TNK2: variants seen among roughly 807,000 people sequenced by gnomAD.
The protein encoded by TNK2 is activated CDC42 kinase 1.
A neutral mutation model predicts 101.8 loss-of-function variants in TNK2; 83 were observed. The observed-to-expected ratio is 0.82, with a 90% CI of 0.68 to 0.98. The LOEUF is 0.98. Ranked by LOEUF, TNK2 falls within the 50% of genes least tolerant of loss-of-function variation. TNK2 has a pLI of 0.00. For synonymous variants in TNK2, 804 were observed against 633.0 expected (o/e 1.27, Z -4.06); for missense variants, 1,665 against 1,483.2 (o/e 1.12, Z -2.01).
intron 10 of TNK2, among the ~76,000 whole-genome samples, chr3:195,871,531 GGT>G (rs1318889567): frequency 2.6e-5 from 4 of 152,070 alleles, no homozygotes; most frequent in Admixed American, 2.0e-4. Flanking sequence ...GGGGTCACAG[GGT>G]CACAGGGTCA....
At chr3:195,883,469 G>T in intron 4 of TNK2, 160 bp from the exon 5 acceptor site, 1 of 810,746 alleles carries the variant, frequency 1.2e-6, no homozygotes, top group Non-Finnish European at 1.9e-6. Flanking sequence ...CGTGCTCTGC[G>T]TGAGGCCTGG....
At chr3:195,887,835 CGTGTG>C (rs1756517848) in intron 2 of TNK2, among the ~76,000 whole-genome samples, 1 of 145,832 alleles carries the variant, frequency 6.9e-6, no homozygotes, top group African/African-American at 2.5e-5. Context: ...TGCGCACACA[CGTGTG>C]TGTGTGTGTG....
chr3:195,905,139 C>A (rs1761595195), intron 1 of TNK2, among the ~76,000 whole-genome samples: 1 of 152,188 alleles, frequency 6.6e-6, no homozygotes, highest in Non-Finnish European at 1.5e-5. Context: ...GGGATAAAGA[C>A]AGACAAATAG....
chr3:195,891,663 C>CG (rs1553915867), intron 1 of TNK2, among the ~76,000 whole-genome samples: 1 of 152,102 alleles, frequency 6.6e-6, no homozygotes, highest in African/African-American at 2.4e-5. Flanking sequence ...GTGACCCCCC[C>CG]CCTCCAGGGC....
Position 195,868,232 on chromosome 3 carries a change from G to A in TNK2, c.2066C>T (p.Pro689Leu), listed in dbSNP as rs765764522. 6.8e-6 allele frequency: 11 copies of A among 1,605,958 alleles called. No homozygotes were observed. The highest frequency in any genetic ancestry group is 1.3e-5 in the African/African-American group (1 of 74,852). ...GGGAGGGGGCGGCCGCGCCTGCTCA[G>A]GCACAAAGGCGTAGTTGGTCTGGCC... ...SQGQTNYAFV[P>L]EQARPPPPLE... Residue 689 changes from proline (P) to leucine (L), a missense_variant, in exon 13 of 16, where the codon CCT becomes CTT. Pro to Leu is a moderately conservative substitution (Grantham distance 98, BLOSUM62 -3). Coordinates refer to ENST00000672887, the MANE Select transcript of TNK2 (RefSeq NM_001382273.1).
Position 195,885,305 on chromosome 3 carries a change from C to G in TNK2, c.235-272G>C, listed in dbSNP as rs1755113902. The G allele has an allele frequency of 1.5e-6, 2 of 1,339,220 alleles. No homozygotes were observed. Among genetic ancestry groups the G allele is most frequent in the Non-Finnish European group, 2.0e-6 (2 of 1,016,522 alleles). 83.0% of individuals were successfully genotyped at this position (1,339,220 alleles called of 1,614,324 possible). The stretch of plus-strand genomic sequence containing the variant: ...GCCTGTGGCTGAGCGGCCCCACACC[C>G]AGCTGTGTGGAGAGGGAGGGCACCG... On this transcript the variant is annotated intron_variant, in intron 3 of 15. Coordinates refer to ENST00000672887, the MANE Select transcript of TNK2 (RefSeq NM_001382273.1). The surrounding 1 kb of genome is among the most constrained non-coding windows in gnomAD (Gnocchi z 4.7).
Position 195,870,189 on chromosome 3 carries a change from G to A in TNK2, c.1468C>T (p.Pro490Ser), listed in dbSNP as rs753720855. 1.9e-6 allele frequency: 3 copies of A among 1,569,074 alleles called. No homozygotes were observed. Among genetic ancestry groups the A allele is most frequent in the East Asian group, 2.3e-5 (1 of 43,578 alleles). The change falls in exon 11 of 16, where the codon CCC becomes TCC. Residue 490 changes from proline to serine, a missense_variant. Pro to Ser is a moderately conservative substitution (Grantham distance 74, BLOSUM62 -1). Transcript: ENST00000672887. ...DRIDELYLGN[P>S]MDPPDLLSVE... is the part of the protein sequence containing the mutation. ...CTCAGGAGGTCGGGGGGGTCCATGG[G>A]GTTTCCCAGATACAGTCTGTGGGGG... is the stretch of plus-strand genomic sequence containing the variant.
chr3:195,874,928 A>G (rs74940023), intron 9 of TNK2, among the ~76,000 whole-genome samples: 13 of 25,128 alleles, frequency 5.2e-4, no homozygotes, highest in Non-Finnish European at 6.1e-4. Flanking sequence ...CCGAGGCACA[A>G]GAAGCTCCCC....
Position 195,886,954 on chromosome 3 carries a change from T to TC in TNK2, c.234+22dup. The TC allele has an allele frequency of 8.7e-7, 1 of 1,151,876 alleles. No homozygotes were observed. The highest frequency in any genetic ancestry group is 1.2e-6 in the Non-Finnish European group (1 of 808,440). The allele number at this position is 1,151,876 out of a possible 1,614,324, so 71.4% of individuals were successfully genotyped here. A position where few individuals can be genotyped will look rare whatever the true frequency, so the allele number is the denominator to read the frequency against. On this transcript the variant is annotated intron_variant, in intron 3 of 15. Coordinates refer to ENST00000672887, the MANE Select transcript of TNK2 (RefSeq NM_001382273.1). This position sits in a 1 kb window ranked among gnomAD's most constrained non-coding sequence, Gnocchi z 4.2. ...CGTTCGAGGCTGCCCCCCTCCCACCTCCTCACCCACCTCCTCACCCACCTT... is the reference window on the plus strand; with the variant it reads ...CGTTCGAGGCTGCCCCCCTCCCACCTCCCTCACCCACCTCCTCACCCACCTT...
In TNK2 at chr3:195,868,486, C is replaced by T. The variant is rs768571656; in HGVS notation, c.1812G>A (p.Leu604=). ...VPALRPCAPS[L]AQLAMDACSL... is the part of the protein sequence containing the mutation. ...AGCAGGCGTCCATGGCCAGCTGCGC[C>T]AGGGAGGGCGCGCAGGGCCGTAGGG... Residue 604 remains leucine (L), a synonymous_variant, in exon 13 of 16, where the codon CTG becomes CTA. Transcript: ENST00000672887. 1.2e-5 allele frequency: 19 copies of T among 1,550,296 alleles called. No individual in the cohort carries two copies. The highest frequency in any genetic ancestry group is 1.5e-5 in the Non-Finnish European group (17 of 1,159,488).
chr3:195,867,023 G>A lies in TNK2; in HGVS notation c.3034-7C>T, dbSNP rs752477485. Reference sequence around the variant, plus strand: ...GCCCGAAGAGCTGCTCCACCTGGGGGTAAGGGTGGCGCCATGGACACGCGG... The same window carrying A: ...GCCCGAAGAGCTGCTCCACCTGGGGATAAGGGTGGCGCCATGGACACGCGG... On this transcript the variant is annotated splice_region_variant and splice_polypyrimidine_tract_variant and intron_variant, in intron 14 of 15. Coordinates refer to ENST00000672887, the MANE Select transcript of TNK2 (RefSeq NM_001382273.1). 1.2e-5 allele frequency: 20 copies of A among 1,613,018 alleles called. No individual in the cohort carries two copies. The South Asian group carries it at 1.9e-4, about 15-fold the overall frequency.
chr3:195,886,187 G>A lies in TNK2; in HGVS notation c.234+790C>T, dbSNP rs537570973. 1.2e-3 allele frequency: 182 copies of A among 152,958 alleles called. No individual in the cohort carries two copies. The highest frequency in any genetic ancestry group is 3.4e-3 in the Middle Eastern group (1 of 294). The allele number at this position is 152,958 out of a possible 1,614,324, so 9.5% of individuals were successfully genotyped here. ...GCAAACCACGCTGCTCTCTTCTCCT[G>A]CCTCCACCATCCCGACACTACTCAT... On this transcript the variant is annotated intron_variant, in intron 3 of 15. Transcript: ENST00000672887. This position sits in a 1 kb window ranked among gnomAD's most constrained non-coding sequence, Gnocchi z 4.2.
At chr3:195,907,718 G>A (rs1261292459) in intron 1 of TNK2, among the ~76,000 whole-genome samples, 5 of 152,328 alleles carry the variant, frequency 3.3e-5, no homozygotes, top group African/African-American at 9.6e-5. Context: ...ACTGGGCTGG[G>A]AGCTCCTGTC....
Position 195,867,520 on chromosome 3 carries a change from C to T in TNK2, c.2778G>A (p.Pro926=), listed in dbSNP as rs373899133. Reference sequence around the variant, plus strand: ...TGGGGTCCAAGGCAGCCTGGGGCATCGGCCGCACGGTGGCCGTGGGGGCGG... The same window carrying T: ...TGGGGTCCAAGGCAGCCTGGGGCATTGGCCGCACGGTGGCCGTGGGGGCGG... ...APAAPTATVR[P]MPQAALDPKA... is the part of the protein sequence containing the mutation. The change falls in exon 13 of 16, where the codon CCG becomes CCA. Residue 926 remains proline (P), a synonymous_variant. Coordinates refer to ENST00000672887, the MANE Select transcript of TNK2 (RefSeq NM_001382273.1). 2.0e-4 allele frequency: 285 copies of T among 1,427,730 alleles called. No individual in the cohort carries two copies. The highest frequency in any genetic ancestry group is 5.3e-4 in the Middle Eastern group (2 of 3,762). The allele number at this position is 1,427,730 out of a possible 1,614,324, so 88.4% of individuals were successfully genotyped here. A position where few individuals can be genotyped will look rare whatever the true frequency, so the allele number is the denominator to read the frequency against.
rs764353654 is a variant in TNK2 at position 195,867,714 on chromosome 3, T to C, written c.2584A>G (p.Ile862Val). Residue 862 changes from isoleucine to valine, a missense_variant, in exon 13 of 16, where the codon ATC (isoleucine) becomes GTC (valine). By Grantham distance (29) the Ile-to-Val change is conservative. Coordinates refer to ENST00000672887, the MANE Select transcript of TNK2 (RefSeq NM_001382273.1). ...GPRAGPCILP[I>V]VRDGKKVSST... Reference sequence around the variant, plus strand: ...CTGACCTTCTTGCCATCCCGGACGATGGGCAGGATGCAGGGACCAGCCCGC... The same window carrying C: ...CTGACCTTCTTGCCATCCCGGACGACGGGCAGGATGCAGGGACCAGCCCGC... 6.2e-7 allele frequency: 1 copy of C among 1,606,716 alleles called. No homozygotes were observed. Among genetic ancestry groups the C allele is most frequent in the South Asian group, 1.1e-5 (1 of 90,468 alleles).
rs1189767132 is a variant in TNK2 at position 195,864,003 on chromosome 3, C to T, written c.*178G>A. On this transcript the variant is annotated 3_prime_UTR_variant, in exon 16 of 16. Transcript: ENST00000672887. ...AAAGTGTGCAGGGACAGCGCTGGTG[C>T]AGGAGGGATGGGCAGGGCAGGGCTC... is the stretch of plus-strand genomic sequence containing the variant. The T allele has an allele frequency of 1.7e-5, 13 of 744,392 alleles. No homozygotes were observed. The highest frequency in any genetic ancestry group is 1.2e-4 in the South Asian group (7 of 58,996). 46.1% of individuals were successfully genotyped at this position (744,392 alleles called of 1,614,324 possible). A position where few individuals can be genotyped will look rare whatever the true frequency, so the allele number is the denominator to read the frequency against.
intron 1 of TNK2, among the ~76,000 whole-genome samples, chr3:195,907,285 G>C (rs945457406): frequency 6.6e-6 from 1 of 152,216 alleles, no homozygotes; most frequent in African/African-American, 2.4e-5. Context: ...GACAGGCATG[G>C]GATGAAGCTG....
At chr3:195,869,429 T>C (rs1743300985) in intron 12 of TNK2, 68 bp downstream of exon 12, 3 of 1,040,436 alleles carry the variant, frequency 2.9e-6, no homozygotes, top group African/African-American at 3.3e-5. Flanking sequence ...GCTCTGTACC[T>C]TCCAGGAGAG....
At position 195,884,849 on chromosome 3, in the gene TNK2, A is replaced by G. The variant is rs765083803; in HGVS notation, c.419T>C (p.Val140Ala). The G allele has an allele frequency of 2.5e-6, 4 of 1,613,154 alleles. No individual in the cohort carries two copies. The Admixed American group carries it at 5.0e-5, about 20-fold the overall frequency. Residue 140 changes from valine (V) to alanine (A), a missense_variant, in exon 4 of 16, where the codon GTG (valine) becomes GCG (alanine). Val to Ala is a moderately conservative substitution (Grantham distance 64). Transcript: ENST00000672887. ...GGGCGCGTCCCACTCGCCCCTGCGCACCACGCCAAAGGAACCATCACCCAG... is the reference window on the plus strand; with the variant it reads ...GGGCGCGTCCCACTCGCCCCTGCGCGCCACGCCAAAGGAACCATCACCCAG... ...EKLGDGSFGVVRRGEWDAPSG... is the reference protein window; with the variant it reads ...EKLGDGSFGVARRGEWDAPSG...
Sources: gnomAD v4.1 joint callset for allele counts (sites outside exome capture counted in the v4.1 genomes callset) on GRCh38, gnomAD v4.1.1 for gene constraint, Gnocchi (gnomAD v3.1) non-coding constraint, MANE v1.5 for transcripts, NCBI Gene and HGNC (gene_info 2026-07-23, HGNC 2026-07-21) for gene names.